ENO3: variants seen among roughly 807,000 people sequenced by gnomAD.
ENO3 encodes enolase 3, also known as beta-enolase.
In ENO3, 46 loss-of-function variants were observed where a neutral mutation model predicts 47.7. The observed-to-expected ratio is 0.96, with a 90% CI of 0.76 to 1.23. The LOEUF is 1.23. Ranked by LOEUF, ENO3 falls within the 50% of genes most tolerant of loss-of-function variation. The pLI is 0.00. For missense variants in ENO3, 575 were observed against 566.2 expected (o/e 1.02, Z -0.16); for synonymous variants, 223 against 225.9 (o/e 0.99, Z 0.11).
At chr17:4,952,972 C>T in intron 3 of ENO3, 79 bp from the exon 4 acceptor site, 1 of 1,611,370 alleles carries the variant, frequency 6.2e-7, no homozygotes, top group Non-Finnish European at 8.5e-7. Context: ...CTGGAACCCC[C>T]AAGGCTCTTG....
chr17:4,951,524 A>T (rs1971538142), intron 1 of ENO3, among the ~76,000 whole-genome samples: 1 of 151,968 alleles, frequency 6.6e-6, no homozygotes, highest in Admixed American at 6.6e-5. Flanking sequence ...AGACTGCTTG[A>T]CCAGAGGGGT....
At chr17:4,952,758 A>G (rs570863423) in intron 2 of ENO3, 37 bp from the exon 3 acceptor site, 3 of 1,581,596 alleles carry the variant, frequency 1.9e-6, no homozygotes, top group Middle Eastern at 1.7e-4. Flanking sequence ...CACCGCGCCC[A>G]GCCATCCCTG....
chr17:4,951,836 A>G lies in ENO3; in HGVS notation c.7A>G (p.Met3Val), dbSNP rs1350905108. The change falls in exon 2 of 12, where the codon ATG becomes GTG. Residue 3 changes from methionine (M) to valine (V), a missense_variant. Transcript: ENST00000519602. The part of the protein sequence containing the change: MA[M>V]QKIFAREILD... ...CACCTCCTGTCCTGCAGCCATGGCC[A>G]TGCAGAAAATCTTTGCCCGGGAAAT... The G allele has an allele frequency of 3.7e-6, 6 of 1,614,152 alleles. No individual in the cohort carries two copies. The highest frequency in any genetic ancestry group is 5.1e-6 in the Non-Finnish European group (6 of 1,179,994).
intron 8 of ENO3, 75 bp downstream of exon 8, chr17:4,955,679 G>A (rs539436944): frequency 2.5e-6 from 4 of 1,593,006 alleles, no homozygotes; most frequent in Admixed American, 3.3e-5. Context: ...TCAGTGACCT[G>A]CTTTGCCATC....
At chr17:4,954,504 A>G (rs562632538) in intron 6 of ENO3, among the ~76,000 whole-genome samples, 3 of 152,378 alleles carry the variant, frequency 2.0e-5, no homozygotes, top group South Asian at 4.1e-4. Flanking sequence ...AGTAAGTGCT[A>G]TATAAAAGTG....
At chr17:4,950,702 G>T, upstream of ENO3, 1 of 981,084 alleles carries the variant, frequency 1.0e-6, no homozygotes, top group Non-Finnish European at 1.2e-6. Context: ...CCCGCCCAGC[G>T]ATCTGAGCAT....
In ENO3 at chr17:4,955,861, CCTGTCTCTGCT is replaced by C. The variant is rs1299841634; in HGVS notation, c.866-70_866-60del. On this transcript the variant is annotated intron_variant, in intron 8 of 11. Transcript: ENST00000519602. Reference sequence around the variant, plus strand: ...TGCCCTGTCTCTGCCCTGTCTCTGCCCTGTCTCTGCTCTGTCTCTGCCCTGTCTCTGCCCTG... The same window carrying C: ...TGCCCTGTCTCTGCCCTGTCTCTGCCCTGTCTCTGCCCTGTCTCTGCCCTG... The C allele has an allele frequency of 0.44, 285,944 of 644,452 alleles. 85,940 individuals are homozygous for C. The highest frequency in any genetic ancestry group is 0.54 in the Middle Eastern group (1,234 of 2,300). The allele number at this position is 644,452 out of a possible 1,614,324, so 39.9% of individuals were successfully genotyped here.
rs769320418 is a variant in ENO3, at chr17:4,953,808, A to C, written c.407A>C (p.Asp136Ala). ...GTCCCCCTGTACCGCCACATCGCAG[A>C]TCTCGCTGGGAACCCTGACCTCATA... ...KGVPLYRHIADLAGNPDLILP... is the reference protein window; with the variant it reads ...KGVPLYRHIAALAGNPDLILP... The change falls in exon 6 of 12, where the codon GAT becomes GCT. Residue 136 changes from aspartate to alanine, a missense_variant. Asp to Ala is a moderately radical substitution (Grantham distance 126, BLOSUM62 -2). Transcript: ENST00000519602. The C allele has an allele frequency of 6.2e-7, 1 of 1,614,092 alleles. No homozygotes were observed. The highest frequency in any genetic ancestry group is 2.2e-5 in the East Asian group (1 of 44,872).
intron 5 of ENO3, 151 bp downstream of exon 5, chr17:4,953,492 A>G (rs1014369677): frequency 5.7e-6 from 8 of 1,394,616 alleles, no homozygotes; most frequent in South Asian, 2.4e-5. Context: ...GGCATTTCCT[A>G]TGCCTGCCTT....
At chr17:4,953,974 C>G (rs758392947) in intron 6 of ENO3, 129 bp downstream of exon 6, 20 of 1,420,348 alleles carry the variant, frequency 1.4e-5, no homozygotes, top group Non-Finnish European at 1.7e-5. Flanking sequence ...GAAATTGAAT[C>G]TCTCCTGCTG....
Position 4,955,191 on chromosome 17 carries a change from G to T in ENO3, c.561G>T (p.Glu187Asp). The T allele has an allele frequency of 6.2e-7, 1 of 1,614,196 alleles. No homozygotes were observed. The highest frequency in any genetic ancestry group is 8.5e-7 in the Non-Finnish European group (1 of 1,180,018). ...AGGAAGCCATGCGCATTGGCGCCGA[G>T]GTCTACCACCACCTCAAGGGGGTCA... ...SFKEAMRIGA[E>D]VYHHLKGVIK... The change falls in exon 7 of 12, where the codon GAG becomes GAT. Residue 187 changes from glutamate to aspartate, a missense_variant. Physicochemically the swap from Glu to Asp is conservative, Grantham distance 45. Transcript: ENST00000519602.
upstream of ENO3, chr17:4,950,543 C>T: frequency 1.0e-6 from 1 of 985,370 alleles, no homozygotes; most frequent in Non-Finnish European, 1.2e-6. Context: ...AATTCGTTTC[C>T]TGTCCCCTAA....
At position 4,953,778 on chromosome 17, in the gene ENO3, AG is replaced by A; in HGVS notation, c.382del (p.Val128SerfsTer25). Reference sequence around the variant, plus strand: ...GTGTGTAAGGCGGGAGCAGCTGAGAAGGGGGTCCCCCTGTACCGCCACATCG... The same window carrying A: ...GTGTGTAAGGCGGGAGCAGCTGAGAAGGGGTCCCCCTGTACCGCCACATCG... ...LAVCKAGAAEKGVPLYRHIAD... is the reference protein window; with the variant it reads ...LAVCKAGAAEXGVPLYRHIAD... On this transcript the variant is annotated frameshift_variant, in exon 6 of 12. Coordinates refer to ENST00000519602, the MANE Select transcript of ENO3 (RefSeq NM_053013.4). LOFTEE classifies it high-confidence loss of function. 6.2e-7 allele frequency: 1 copy of A among 1,614,180 alleles called. No homozygotes were observed. Among genetic ancestry groups the A allele is most frequent in the Non-Finnish European group, 8.5e-7 (1 of 1,180,026 alleles).
In ENO3 at chr17:4,953,094, T is replaced by C; in HGVS notation, c.225T>C (p.Pro75=). The change falls in exon 4 of 12, where the codon CCT becomes CCC. Residue 75 remains proline, a synonymous_variant. Transcript: ENST00000519602. ...AVENINNTLG[P]ALLQKKLSVV... is the part of the protein sequence containing the mutation. Reference sequence around the variant, plus strand: ...AGAACATCAACAATACTCTGGGCCCTGCTCTGCTGCAAAAGGCAAGTGGGG... The same window carrying C: ...AGAACATCAACAATACTCTGGGCCCCGCTCTGCTGCAAAAGGCAAGTGGGG... 1.2e-6 allele frequency: 2 copies of C among 1,614,058 alleles called. No homozygotes were observed. Among genetic ancestry groups the C allele is most frequent in the Non-Finnish European group, 1.7e-6 (2 of 1,179,930 alleles).
rs1971737592 is a variant in ENO3 at position 4,956,560 on chromosome 17, C to T, written c.1068-13C>T. 6 of 1,613,938 alleles carry T rather than the reference C, an allele frequency of 3.7e-6. No homozygotes were observed. Among genetic ancestry groups the T allele is most frequent in the South Asian group, 1.1e-5 (1 of 91,084 alleles). On this transcript the variant is annotated splice_polypyrimidine_tract_variant and intron_variant, in intron 9 of 11. Transcript: ENST00000519602. ...GGTTCTAGAAGGCCACATCAAATGT[C>T]CTCTCCACTCAGGTGCAAACTGGCT...
chr17:4,953,454 A>G (rs1971615911), intron 5 of ENO3, 113 bp downstream of exon 5: 1 of 1,481,548 alleles, frequency 6.7e-7, no homozygotes, highest in African/African-American at 1.4e-5. Context: ...GTCACACCGC[A>G]GCTGGATGGA....
At chr17:4,951,353 A>G in intron 1 of ENO3, 171 bp downstream of exon 1, 1 of 918,158 alleles carries the variant, frequency 1.1e-6, no homozygotes, top group Non-Finnish European at 1.3e-6. Flanking sequence ...CTCTGGGAAC[A>G]CCGAAGGATC....
intron 4 of ENO3, 23 bp from the exon 5 acceptor site, chr17:4,953,249 C>T (rs1193308148): frequency 6.2e-6 from 10 of 1,614,138 alleles, no homozygotes; most frequent in Non-Finnish European, 6.8e-6. Flanking sequence ...CTCTGCTCTC[C>T]CTTCTCAAAC....
At chr17:4,952,333 C>T (rs1444644437) in intron 2 of ENO3, 3 of 330,248 alleles carry the variant, frequency 9.1e-6, no homozygotes, top group Middle Eastern at 1.1e-3. Flanking sequence ...TGTGCCATCA[C>T]GCCCAGCTAA....
Sources: allele counts gnomAD v4.1 joint callset (sites outside exome capture counted in the v4.1 genomes callset), GRCh38; gene constraint gnomAD v4.1.1; transcripts MANE v1.5; gene names NCBI Gene and HGNC (gene_info 2026-07-23, HGNC 2026-07-21).